Variants in STAM observed in about 807,000 individuals in gnomAD.
The protein encoded by STAM is signal transducing adaptor molecule.
A neutral mutation model predicts 63.4 loss-of-function variants in STAM; 16 were observed. The observed-to-expected ratio is 0.25, with a 90% CI of 0.17 to 0.38. The LOEUF is 0.38. STAM is among the 10% of genes least tolerant of loss of function. The pLI is 1.00. For missense variants in STAM, 636 were observed against 657.1 expected (o/e 0.97, Z 0.35); for synonymous variants, 238 against 223.9 (o/e 1.06, Z -0.56).
intron 2 of STAM, among the ~76,000 whole-genome samples, chr10:17,671,678 C>G (rs1212275604): frequency 6.6e-6 from 1 of 152,170 alleles, no homozygotes; most frequent in East Asian, 1.9e-4. Context: ...CGTTTTTAGT[C>G]TGACATAGGT....
At chr10:17,703,585 A>G (rs1172658956) in intron 9 of STAM, among the ~76,000 whole-genome samples, 1 of 152,184 alleles carries the variant, frequency 6.6e-6, no homozygotes, top group Non-Finnish European at 1.5e-5. Context: ...TTTTTAAAAA[A>G]CATAAATACA....
intron 2 of STAM, among the ~76,000 whole-genome samples, chr10:17,677,550 A>T (rs1251032363): frequency 6.6e-6 from 1 of 152,196 alleles, no homozygotes; most frequent in East Asian, 1.9e-4. Flanking sequence ...CCTGGCTCCT[A>T]AAATAAGTCC....
rs774072938 is a variant in STAM, at chr10:17,688,096, C to G, written c.367C>G (p.Pro123Ala). 2 of 1,609,686 alleles carry G rather than the reference C, an allele frequency of 1.2e-6. No homozygotes were observed. Among genetic ancestry groups the G allele is most frequent in the African/African-American group, 2.7e-5 (2 of 74,718 alleles). ...VEWTDEFKNDPQLSLISAMIK... is the reference protein window; with the variant it reads ...VEWTDEFKNDAQLSLISAMIK... ...ATGGACAGATGAATTTAAGAATGAT[C>G]CACAGCTTAGTCTAATATCAGCAAT... Residue 123 changes from proline (P) to alanine (A), a missense_variant, in exon 5 of 14, where the codon CCA becomes GCA. By Grantham distance (27) the Pro-to-Ala change is conservative (BLOSUM62 -1). Coordinates refer to ENST00000377524, the MANE Select transcript of STAM (RefSeq NM_003473.4).
intron 11 of STAM, 26 bp from the exon 12 acceptor site, chr10:17,705,562 C>T (rs1836222847): frequency 1.3e-6 from 2 of 1,599,540 alleles, no homozygotes; most frequent in Non-Finnish European, 1.7e-6. Context: ...AACAGCTATG[C>T]TTCAAATTAT....
chr10:17,711,054 G>T (rs966481551), intron 13 of STAM, among the ~76,000 whole-genome samples: 9 of 152,178 alleles, frequency 5.9e-5, no homozygotes, highest in Non-Finnish European at 1.3e-4. Context: ...TACTAGAGGT[G>T]TCCTGCGTAT....
At chr10:17,652,399 T>C (rs1295232562) in intron 1 of STAM, among the ~76,000 whole-genome samples, 1 of 152,234 alleles carries the variant, frequency 6.6e-6, no homozygotes, top group Non-Finnish European at 1.5e-5. Context: ...AATCAGATGC[T>C]GATTCTATTT....
At chr10:17,705,791 G>A in intron 12 of STAM, 50 bp downstream of exon 12, 2 of 1,567,430 alleles carry the variant, frequency 1.3e-6, no homozygotes, top group Non-Finnish European at 1.7e-6. Flanking sequence ...TGCACAGTGA[G>A]GTGTGGTAGC....
chr10:17,648,628 T>C (rs1283736112), intron 1 of STAM, among the ~76,000 whole-genome samples: 4 of 152,150 alleles, frequency 2.6e-5, no homozygotes, highest in African/African-American at 7.2e-5. Flanking sequence ...TCCGGACACA[T>C]CATCACCTTT....
At chr10:17,673,809 C>G (rs956804874) in intron 2 of STAM, among the ~76,000 whole-genome samples, 2 of 152,232 alleles carry the variant, frequency 1.3e-5, no homozygotes, top group Non-Finnish European at 2.9e-5. Context: ...CAGGCACTCC[C>G]TAAGCGTTAA....
chr10:17,700,851 TA>T (rs1554828340), intron 9 of STAM, among the ~76,000 whole-genome samples: 2 of 152,172 alleles, frequency 1.3e-5, no homozygotes, highest in African/African-American at 4.8e-5. Context: ...ATTACTGTTG[TA>T]AAAATAAAAT....
chr10:17,655,368 C>A (rs553561489), intron 1 of STAM, among the ~76,000 whole-genome samples: 23 of 152,182 alleles, frequency 1.5e-4, no homozygotes, highest in Non-Finnish European at 2.5e-4. Context: ...GTGTGAATAA[C>A]CTGCTTTTGC....
At chr10:17,690,566 T>A (rs1241222394) in intron 5 of STAM, among the ~76,000 whole-genome samples, 1 of 152,090 alleles carries the variant, frequency 6.6e-6, no homozygotes, top group Non-Finnish European at 1.5e-5. Context: ...ATGAAAAAAA[T>A]AAATCATCTA....
intron 5 of STAM, among the ~76,000 whole-genome samples, chr10:17,692,524 T>C (rs1316585368): frequency 6.6e-6 from 1 of 152,182 alleles, no homozygotes; most frequent in Non-Finnish European, 1.5e-5. Context: ...ATGAGGTTGG[T>C]AAGATAGGCT....
intron 2 of STAM, among the ~76,000 whole-genome samples, chr10:17,666,782 T>G (rs1554823453): frequency 6.6e-6 from 1 of 152,150 alleles, no homozygotes; most frequent in African/African-American, 2.4e-5. Context: ...TCCTGATTTT[T>G]GTAAGGGAAA....
At position 17,667,297 on chromosome 10, in the gene STAM, G is replaced by A. The variant is rs1208816778; in HGVS notation, c.125+6749G>A. Among the ~76,000 whole-genome samples, 6 of 152,188 alleles carry A rather than the reference G, an allele frequency of 3.9e-5. No individual in the cohort carries two copies. The East Asian group carries it at 7.7e-4, about 20-fold the overall frequency. On this transcript the variant is annotated intron_variant, in intron 2 of 13. Transcript: ENST00000377524. ...GAACGCCACCATGCCCGGCTATTTTGTATTTTTAGTAGACATGGGGTTTCA... is the reference window on the plus strand; with the variant it reads ...GAACGCCACCATGCCCGGCTATTTTATATTTTTAGTAGACATGGGGTTTCA...
rs1834119123 is a variant in STAM at position 17,660,444 on chromosome 10, A to G, written c.41-20A>G. On this transcript the variant is annotated intron_variant, in intron 1 of 13. Coordinates refer to ENST00000377524, the MANE Select transcript of STAM (RefSeq NM_003473.4). ...AGATTTGAAAAATAATGTTTCTGCAATCCCCTTTACAATCTACAGAGAAAG... is the reference window on the plus strand; with the variant it reads ...AGATTTGAAAAATAATGTTTCTGCAGTCCCCTTTACAATCTACAGAGAAAG... The G allele has an allele frequency of 1.3e-6, 2 of 1,512,400 alleles. No individual in the cohort carries two copies. Among genetic ancestry groups the G allele is most frequent in the South Asian group, 1.2e-5 (1 of 81,608 alleles). 93.7% of individuals were successfully genotyped at this position (1,512,400 alleles called of 1,614,324 possible).
At chr10:17,687,566 A>G (rs782756813) in intron 4 of STAM, among the ~76,000 whole-genome samples, 10 of 152,390 alleles carry the variant, frequency 6.6e-5, no homozygotes, top group Middle Eastern at 3.4e-3. Flanking sequence ...AATTTTCAAA[A>G]TGATTAACAT....
intron 2 of STAM, among the ~76,000 whole-genome samples, chr10:17,679,012 A>G (rs1834969434): frequency 6.6e-6 from 1 of 152,174 alleles, no homozygotes; most frequent in African/African-American, 2.4e-5. Flanking sequence ...TTGTTTATCC[A>G]TTCTTTCGTT....
intron 2 of STAM, among the ~76,000 whole-genome samples, chr10:17,668,053 G>A (rs782234053): frequency 6.6e-6 from 1 of 152,192 alleles, no homozygotes; most frequent in Non-Finnish European, 1.5e-5. Flanking sequence ...AAGGTCCATC[G>A]GAGTTAATAA....
Sources: gnomAD v4.1 joint callset for allele counts (sites outside exome capture counted in the v4.1 genomes callset) on GRCh38, gnomAD v4.1.1 for gene constraint, MANE v1.5 for transcripts, NCBI Gene and HGNC (gene_info 2026-07-23, HGNC 2026-07-21) for gene names.